Variants in FAM227B observed in about 807,000 individuals in gnomAD.
FAM227B encodes family with sequence similarity 227 member B.
FAM227B carries 88 observed loss-of-function variants against 73.8 expected under a neutral mutation model. The observed-to-expected ratio is 1.19, with a 90% confidence interval of 1.00 to 1.42. FAM227B has a LOEUF of 1.42. Among genes scored for constraint, FAM227B ranks in the 40% most tolerant of loss-of-function variants. The pLI, the probability that FAM227B is intolerant of heterozygous loss-of-function variation, is 0.00. For synonymous variants in FAM227B, 210 were observed against 190.5 expected (o/e 1.10, Z -0.84); for missense variants, 632 against 590.9 (o/e 1.07, Z -0.72).
chr15:49,359,032 C>A (rs1044554325), intron 13 of FAM227B, among the ~76,000 whole-genome samples: 1 of 152,008 alleles, frequency 6.6e-6, no homozygotes, highest in African/African-American at 2.4e-5. Context: ...ACTGGCTAGC[C>A]ATATGTATAA....
At chr15:49,439,044 G>A (rs1351227447) in intron 11 of FAM227B, among the ~76,000 whole-genome samples, 1 of 151,752 alleles carries the variant, frequency 6.6e-6, no homozygotes, top group Non-Finnish European at 1.5e-5. Context: ...TGGTCTTAGG[G>A]ACTCTTACGA....
At chr15:49,329,574 G>C in intron 15 of FAM227B, 1 of 983,578 alleles carries the variant, frequency 1.0e-6, no homozygotes, top group Non-Finnish European at 1.2e-6. Context: ...TACTAGGAAA[G>C]CCAATATTCT....
At chr15:49,502,734 T>A (rs2152095585) in intron 11 of FAM227B, among the ~76,000 whole-genome samples, 1 of 152,188 alleles carries the variant, frequency 6.6e-6, no homozygotes, top group Middle Eastern at 3.4e-3. Flanking sequence ...AAGGACAAGA[T>A]TTGGGAGGGG....
chr15:49,358,659 A>T (rs376850151), intron 13 of FAM227B, among the ~76,000 whole-genome samples: 141 of 150,022 alleles, frequency 9.4e-4, no homozygotes, highest in East Asian at 7.9e-3. Flanking sequence ...ATGGCCATAC[A>T]GCCCAAGGTA....
chr15:49,416,310 A>G (rs1313292782), intron 11 of FAM227B, among the ~76,000 whole-genome samples: 1 of 152,036 alleles, frequency 6.6e-6, no homozygotes, highest in African/African-American at 2.4e-5. Context: ...TAGATGGATG[A>G]ATCAAGGAAA....
At chr15:49,549,626 C>G (rs2072504546) in intron 9 of FAM227B, among the ~76,000 whole-genome samples, 7 of 151,594 alleles carry the variant, frequency 4.6e-5, no homozygotes, top group Admixed American at 4.6e-4. Context: ...GCACATGATT[C>G]CGAGAGCACA....
At chr15:49,525,667 T>C (rs62010017) in intron 10 of FAM227B, among the ~76,000 whole-genome samples, 2,337 of 5,378 alleles carry the variant, frequency 0.43, 152 homozygotes, top group East Asian at 0.53. Context: ...GGTGGAGAAA[T>C]ATATATATAT....
intron 11 of FAM227B, among the ~76,000 whole-genome samples, chr15:49,411,517 G>A (rs1357288613): frequency 1.3e-5 from 2 of 151,876 alleles, no homozygotes; most frequent in African/African-American, 2.4e-5. Flanking sequence ...ACAATATGTC[G>A]ACATGCTGAG....
At chr15:49,576,561 T>C (rs1269801314) in intron 7 of FAM227B, 180 bp downstream of exon 7, 1 of 541,694 alleles carries the variant, frequency 1.8e-6, no homozygotes, top group African/African-American at 1.9e-5. Flanking sequence ...ACACAGAGTT[T>C]AATATATTCT....
chr15:49,470,157 A>G (rs2054609389), intron 11 of FAM227B, among the ~76,000 whole-genome samples: 1 of 152,180 alleles, frequency 6.6e-6, no homozygotes, highest in African/African-American at 2.4e-5. Flanking sequence ...GGAATTCTAA[A>G]ATGTTACTGT....
chr15:49,554,964 CTGGGGGTA>C (rs2073485751), intron 9 of FAM227B, among the ~76,000 whole-genome samples: 1 of 152,034 alleles, frequency 6.6e-6, no homozygotes. Flanking sequence ...TACTTTGAGC[CTGGGGGTA>C]TCACTGTATG....
At chr15:49,587,815 T>C (rs569181192) in intron 5 of FAM227B, among the ~76,000 whole-genome samples, 3 of 152,092 alleles carry the variant, frequency 2.0e-5, no homozygotes, top group African/African-American at 4.8e-5. Flanking sequence ...CTTGTAGTTA[T>C]GTGAAGATGC....
chr15:49,430,022 C>G (rs962784457), intron 11 of FAM227B, among the ~76,000 whole-genome samples: 1 of 151,842 alleles, frequency 6.6e-6, no homozygotes, highest in African/African-American at 2.4e-5. Context: ...TTAACTTGAA[C>G]CCTAGAGGAT....
chr15:49,580,168 T>G (rs999356300), intron 5 of FAM227B, among the ~76,000 whole-genome samples: 1 of 152,232 alleles, frequency 6.6e-6, no homozygotes, highest in Admixed American at 6.5e-5. Context: ...AAACTTTTGT[T>G]AGTATAATTT....
chr15:49,442,582 C>T (rs1287339989), intron 11 of FAM227B, among the ~76,000 whole-genome samples: 1 of 151,724 alleles, frequency 6.6e-6, no homozygotes, highest in East Asian at 1.9e-4. Flanking sequence ...CTTTCCTTAT[C>T]CCTCACTCCC....
chr15:49,577,214 T>C (rs1847437367), intron 6 of FAM227B: 5 of 295,098 alleles, frequency 1.7e-5, no homozygotes, highest in South Asian at 1.5e-4. Context: ...GGAGAATCAC[T>C]TGAATCTGGG....
chr15:49,449,259 T>C (rs1426030690), intron 11 of FAM227B, among the ~76,000 whole-genome samples: 1 of 152,052 alleles, frequency 6.6e-6, no homozygotes, highest in Non-Finnish European at 1.5e-5. Context: ...GTTATTTTTA[T>C]ATGGAATAAA....
rs1408586800 is a variant in FAM227B, at chr15:49,327,052, G to C, written c.*1516C>G. The C allele has an allele frequency of 6.6e-6, 1 of 151,966 alleles. No individual in the cohort carries two copies. The allele number at this position is 151,966 out of a possible 1,614,324, so 9.4% of individuals were successfully genotyped here. Reference sequence around the variant, plus strand: ...TAATTGTAAGTACATGTTAACTTTCGTGTCAGGATAAATTGCATCTTTTAA... The same window carrying C: ...TAATTGTAAGTACATGTTAACTTTCCTGTCAGGATAAATTGCATCTTTTAA... On this transcript the variant is annotated 3_prime_UTR_variant, in exon 16 of 16. Transcript: ENST00000299338.
intron 8 of FAM227B, among the ~76,000 whole-genome samples, chr15:49,573,537 T>C (rs1018069824): frequency 6.6e-6 from 1 of 152,174 alleles, no homozygotes; most frequent in Admixed American, 6.5e-5. Flanking sequence ...GAACAGATTA[T>C]GCCATTATCA....
Sources: gnomAD v4.1 joint callset for allele counts (sites outside exome capture counted in the v4.1 genomes callset) on GRCh38, gnomAD v4.1.1 for gene constraint, MANE v1.5 for transcripts, NCBI Gene and HGNC (gene_info 2026-07-23, HGNC 2026-07-21) for gene names.